Variants in NELL1 observed in about 807,000 individuals in gnomAD.
The protein encoded by NELL1 is neural EGFL like 1.
Under a neutral mutation model 107.4 loss-of-function variants are expected in NELL1, and 76 were observed. That is an observed-to-expected ratio of 0.71 (90% CI 0.59 to 0.86). NELL1 has a LOEUF of 0.86. Ranked by LOEUF, NELL1 falls within the 40% of genes least tolerant of loss-of-function variation. The pLI, the probability that NELL1 is intolerant of heterozygous loss-of-function variation, is 0.00. For missense variants in NELL1, 1,024 were observed against 1,005.5 expected, an observed-to-expected ratio of 1.02 and a Z score of -0.25; for synonymous variants, 353 against 341.2, an observed-to-expected ratio of 1.03 and a Z score of -0.38.
chr11:21,081,992 C>T (rs1462682491), intron 12 of NELL1, among the ~76,000 whole-genome samples: 2 of 152,122 alleles, frequency 1.3e-5, no homozygotes, highest in Non-Finnish European at 2.9e-5. Context: ...TACTCTGAAA[C>T]ACTACGCCAT....
intron 14 of NELL1, among the ~76,000 whole-genome samples, chr11:21,336,300 C>T (rs10437585): frequency 0.49 from 74,805 of 151,642 alleles, 18,927 homozygotes; most frequent in Admixed American, 0.61. Context: ...TTTTTATATA[C>T]AGTATCTTAT....
At chr11:21,547,861 T>A (rs1687619602) in intron 16 of NELL1, among the ~76,000 whole-genome samples, 3 of 151,930 alleles carry the variant, frequency 2.0e-5, no homozygotes, top group Admixed American at 2.0e-4. Flanking sequence ...CTGAATTTTC[T>A]CATTGCCACG....
At position 21,275,438 on chromosome 11, in the gene NELL1, C is replaced by A. The variant is rs1026596351; in HGVS notation, c.1549+45984C>A. 6.0e-4 allele frequency among the ~76,000 whole-genome samples: 91 copies of A among 152,094 alleles called. 2 individuals are homozygous for A. The highest frequency in any genetic ancestry group is 1.5e-5 in the Non-Finnish European group (1 of 68,028). On this transcript the variant is annotated intron_variant, in intron 14 of 19. Transcript: ENST00000357134. The stretch of plus-strand genomic sequence containing the variant: ...TTACCAACCAAAAAAAGTCCAGGAC[C>A]AGATGGATTCACAGCCGAATTCTAC...
chr11:21,369,549 GA>G (rs141935361), intron 14 of NELL1, among the ~76,000 whole-genome samples: 31,420 of 151,620 alleles, frequency 0.21, 4,164 homozygotes, highest in Non-Finnish European at 0.29. Flanking sequence ...ACAATATTGT[GA>G]GGGGTTCTAC....
At chr11:20,854,575 T>A (rs1018800480) in intron 4 of NELL1, among the ~76,000 whole-genome samples, 2 of 152,204 alleles carry the variant, frequency 1.3e-5, no homozygotes, top group Admixed American at 6.5e-5. Flanking sequence ...TCACTCTCTC[T>A]TTTTCTTTTT....
intron 13 of NELL1, among the ~76,000 whole-genome samples, chr11:21,191,822 A>G (rs1857055733): frequency 6.6e-6 from 1 of 151,974 alleles, no homozygotes; most frequent in Non-Finnish European, 1.5e-5. Flanking sequence ...TGCCTTTCTT[A>G]TAAAGTTGAT....
At chr11:21,287,507 T>C (rs573786137) in intron 14 of NELL1, among the ~76,000 whole-genome samples, 1 of 152,294 alleles carries the variant, frequency 6.6e-6, no homozygotes, top group East Asian at 1.9e-4. Flanking sequence ...GGCCTCATTT[T>C]CCCTTCCTCA....
At chr11:20,990,818 T>A (rs972922515) in intron 12 of NELL1, among the ~76,000 whole-genome samples, 4 of 152,216 alleles carry the variant, frequency 2.6e-5, no homozygotes, top group Non-Finnish European at 2.9e-5. Flanking sequence ...ATTTGAGTAC[T>A]TGGCTTCATT....
At chr11:21,151,431 A>G (rs553682369) in intron 13 of NELL1, among the ~76,000 whole-genome samples, 37 of 152,054 alleles carry the variant, frequency 2.4e-4, no homozygotes, top group Non-Finnish European at 4.3e-4. Context: ...TGTGGTATGA[A>G]TGATGTGTGT....
intron 2 of NELL1, among the ~76,000 whole-genome samples, chr11:20,737,497 C>CT (rs1322169991): frequency 6.6e-6 from 1 of 151,930 alleles, no homozygotes; most frequent in Non-Finnish European, 1.5e-5. Context: ...GAATGTGACC[C>CT]TGAGTCAGTT....
At chr11:20,872,228 C>T (rs1187666869) in intron 4 of NELL1, among the ~76,000 whole-genome samples, 1 of 144,390 alleles carries the variant, frequency 6.9e-6, no homozygotes, top group African/African-American at 2.6e-5. Context: ...GGCTGGAGTG[C>T]AGTGGCACAA....
intron 10 of NELL1, among the ~76,000 whole-genome samples, chr11:20,942,229 CT>C (rs1850870268): frequency 1.3e-5 from 2 of 152,188 alleles, no homozygotes; most frequent in African/African-American, 4.8e-5. Flanking sequence ...AGACTGTACC[CT>C]AAAGGTTAGC....
At chr11:21,455,232 A>G (rs1336383115) in intron 15 of NELL1, among the ~76,000 whole-genome samples, 14 of 150,422 alleles carry the variant, frequency 9.3e-5, no homozygotes, top group Non-Finnish European at 3.0e-5. Context: ...AATATTTTCT[A>G]TGGAGAATAT....
At chr11:21,522,834 C>CTTTTTTTTTTTTTTTTTTTT (rs66707466) in intron 15 of NELL1, among the ~76,000 whole-genome samples, 3 of 68,432 alleles carry the variant, frequency 4.4e-5, no homozygotes, top group African/African-American at 6.2e-5. Flanking sequence ...TTTTTCTTTT[C>CTTTTTTTTTTTTTTTTTTTT]TTTTTTTTTT....
intron 12 of NELL1, among the ~76,000 whole-genome samples, chr11:20,994,979 C>G (rs12275066): frequency 0.037 from 5,686 of 152,256 alleles, 382 homozygotes; most frequent in African/African-American, 0.13. Context: ...TTCCACCACC[C>G]TCACCTTGCA....
intron 15 of NELL1, among the ~76,000 whole-genome samples, chr11:21,467,173 G>A (rs560190444): frequency 6.6e-6 from 1 of 152,146 alleles, no homozygotes; most frequent in East Asian, 1.9e-4. Flanking sequence ...AGGCAGCCTG[G>A]CTTTGAATTG....
intron 14 of NELL1, among the ~76,000 whole-genome samples, chr11:21,271,434 T>C (rs1218855177): frequency 6.6e-6 from 1 of 152,188 alleles, no homozygotes; most frequent in Non-Finnish European, 1.5e-5. Context: ...GAAGAAGACA[T>C]AGATTATCTG....
intron 15 of NELL1, among the ~76,000 whole-genome samples, chr11:21,409,315 G>A (rs181476815): frequency 6.6e-6 from 1 of 152,152 alleles, no homozygotes; most frequent in Admixed American, 6.5e-5. Flanking sequence ...ATCATTCTCA[G>A]TAAACTATCA....
chr11:21,432,393 A>C (rs1047735505), intron 15 of NELL1, among the ~76,000 whole-genome samples: 1 of 152,144 alleles, frequency 6.6e-6, no homozygotes, highest in African/African-American at 2.4e-5. Context: ...AATGCTTGTC[A>C]TTATTGGGTC....
Sources: allele counts gnomAD v4.1 joint callset (sites outside exome capture counted in the v4.1 genomes callset), GRCh38; gene constraint gnomAD v4.1.1; transcripts MANE v1.5; gene names NCBI Gene and HGNC (gene_info 2026-07-23, HGNC 2026-07-21).